Variants in C10orf143 observed in about 807,000 individuals in gnomAD.
The protein encoded by C10orf143 is chromosome 10 open reading frame 143.
chr10:130,109,660 G>A (rs1288304451), intron 1 of C10orf143, among the ~76,000 whole-genome samples: 1 of 152,102 alleles, frequency 6.6e-6, no homozygotes, highest in Non-Finnish European at 1.5e-5. Context: ...GGTACCTGGA[G>A]GAGGGGTGCG....
At chr10:130,070,316 C>G (rs753772892) in intron 3 of C10orf143, among the ~76,000 whole-genome samples, 6 of 152,166 alleles carry the variant, frequency 3.9e-5, no homozygotes, top group Non-Finnish European at 7.3e-5. Context: ...CTGCAGTGGC[C>G]ATCGCACCCC....
intron 1 of C10orf143, among the ~76,000 whole-genome samples, chr10:130,087,902 G>T (rs1004694951): frequency 2.0e-5 from 3 of 152,170 alleles, no homozygotes; most frequent in Admixed American, 6.6e-5. Context: ...AGAGGAGGGT[G>T]GAGAATAGAG....
chr10:130,048,969 C>T (rs891287781), intron 3 of C10orf143, among the ~76,000 whole-genome samples: 1 of 152,158 alleles, frequency 6.6e-6, no homozygotes, highest in Admixed American at 6.5e-5. Flanking sequence ...CCTCCCCAGT[C>T]ACTGGGGTTA....
chr10:130,037,173 G>C (rs1860553877), intron 3 of C10orf143, among the ~76,000 whole-genome samples: 1 of 152,224 alleles, frequency 6.6e-6, no homozygotes, highest in Non-Finnish European at 1.5e-5. Context: ...ACAGGGCGAT[G>C]CCCTCTGCCC....
At chr10:130,080,982 TAATA>T (rs1564962822) in intron 1 of C10orf143, among the ~76,000 whole-genome samples, 1 of 152,126 alleles carries the variant, frequency 6.6e-6, no homozygotes, top group African/African-American at 2.4e-5. Flanking sequence ...AAGGGTTAAA[TAATA>T]AAACAGGGGA....
At chr10:130,082,607 C>T (rs112860099) in intron 1 of C10orf143, among the ~76,000 whole-genome samples, 64 of 152,308 alleles carry the variant, frequency 4.2e-4, no homozygotes, top group Middle Eastern at 3.4e-3. Flanking sequence ...CCTGCTGCCA[C>T]GTAAGACGTG....
At chr10:130,082,798 G>A (rs1445265769) in intron 1 of C10orf143, among the ~76,000 whole-genome samples, 2 of 152,154 alleles carry the variant, frequency 1.3e-5, no homozygotes, top group Non-Finnish European at 2.9e-5. Context: ...GAATGCAAAA[G>A]ATCTAATTAT....
downstream of C10orf143, among the ~76,000 whole-genome samples, chr10:130,063,446 T>G (rs560526658): frequency 1.8e-4 from 28 of 152,364 alleles, no homozygotes; most frequent in African/African-American, 6.3e-4. Flanking sequence ...TGGCATTTTT[T>G]GATCGAGTCA....
downstream of C10orf143, among the ~76,000 whole-genome samples, chr10:130,059,659 A>C (rs1168834124): frequency 5.3e-5 from 8 of 152,190 alleles, no homozygotes; most frequent in South Asian, 2.1e-4. Context: ...TCAGGGAAGC[A>C]GATAAAACCT....
chr10:130,060,325 C>T (rs773102719), downstream of C10orf143, among the ~76,000 whole-genome samples: 10 of 152,114 alleles, frequency 6.6e-5, no homozygotes, highest in Non-Finnish European at 1.3e-4. Context: ...CAAAACTTTA[C>T]AGAATATAAG....
chr10:130,103,106 G>A (rs1355039792), intron 1 of C10orf143, among the ~76,000 whole-genome samples: 1 of 151,762 alleles, frequency 6.6e-6, no homozygotes, highest in Non-Finnish European at 1.5e-5. Context: ...AGCCTCCCAA[G>A]TAGCTGAGAT....
intron 3 of C10orf143, among the ~76,000 whole-genome samples, chr10:130,054,176 C>T (rs912620192): frequency 1.3e-5 from 2 of 152,156 alleles, no homozygotes; most frequent in African/African-American, 4.8e-5. Context: ...TGCAACTGCC[C>T]GTTTTCCCTC....
intron 1 of C10orf143, among the ~76,000 whole-genome samples, chr10:130,103,638 CT>C (rs1861594607): frequency 6.6e-6 from 1 of 151,364 alleles, no homozygotes; most frequent in Admixed American, 6.6e-5. Flanking sequence ...AAGATCCCGT[CT>C]CTACAAAAAA....
intron 3 of C10orf143, among the ~76,000 whole-genome samples, chr10:130,057,224 C>T (rs1177352789): frequency 6.6e-6 from 1 of 152,124 alleles, no homozygotes; most frequent in Non-Finnish European, 1.5e-5. Flanking sequence ...GTAAGATATA[C>T]ATGGCATAAA....
chr10:130,050,619 T>A (rs996393878), intron 3 of C10orf143, among the ~76,000 whole-genome samples: 1 of 152,162 alleles, frequency 6.6e-6, no homozygotes, highest in African/African-American at 2.4e-5. Flanking sequence ...AAACAATGTG[T>A]TTTTTTAAAG....
chr10:130,050,428 C>A (rs904506486), intron 3 of C10orf143, among the ~76,000 whole-genome samples: 8 of 152,208 alleles, frequency 5.3e-5, no homozygotes, highest in African/African-American at 1.9e-4. Flanking sequence ...TGGCAGCGTG[C>A]GCCTGTGGTC....
At chr10:130,068,831 T>G (rs115372489) in intron 3 of C10orf143, among the ~76,000 whole-genome samples, 1 of 151,186 alleles carries the variant, frequency 6.6e-6, no homozygotes, top group African/African-American at 2.4e-5. Context: ...ACAAAATCAA[T>G]TGAGATTATC....
chr10:130,048,639 C>T (rs922325748), intron 3 of C10orf143, among the ~76,000 whole-genome samples: 6 of 152,198 alleles, frequency 3.9e-5, no homozygotes, highest in African/African-American at 1.4e-4. Flanking sequence ...TACAAAAGCT[C>T]CAGATACTCT....
At chr10:130,092,329 G>A (rs527820123) in intron 1 of C10orf143, among the ~76,000 whole-genome samples, 1 of 152,244 alleles carries the variant, frequency 6.6e-6, no homozygotes, top group South Asian at 2.1e-4. Context: ...TTCATTAAGT[G>A]AAACATAAAT....
Sources: gnomAD v4.1 joint callset for allele counts (sites outside exome capture counted in the v4.1 genomes callset) on GRCh38, gnomAD v4.1.1 for gene constraint, MANE v1.5 for transcripts, NCBI Gene and HGNC (gene_info 2026-07-23, HGNC 2026-07-21) for gene names.